KLHL1: variants seen among roughly 807,000 people sequenced by gnomAD.
KLHL1 encodes the protein kelch like family member 1, also known as kelch-like protein 1.
KLHL1 carries 47 observed loss-of-function variants against 77.7 expected under a neutral mutation model. That is an observed-to-expected ratio of 0.60 (90% confidence interval 0.48 to 0.77). KLHL1 has a LOEUF of 0.77. KLHL1 is among the 30% of genes least tolerant of loss of function. The probability of loss-of-function intolerance (pLI) is 0.00; values close to 1 mark genes in which losing one functional copy is unlikely to be tolerated. For synonymous variants in KLHL1, 360 were observed against 325.2 expected (o/e 1.11, Z -1.15); for missense variants, 925 against 910.8 (o/e 1.02, Z -0.20).
At chr13:70,004,825 C>G (rs1381720926) in intron 1 of KLHL1, among the ~76,000 whole-genome samples, 2 of 151,364 alleles carry the variant, frequency 1.3e-5, no homozygotes, top group Non-Finnish European at 3.0e-5. Flanking sequence ...ATACTACTAG[C>G]TGAAAACAAT....
Position 70,050,216 on chromosome 13 carries a change from A to T in KLHL1, c.497+56987T>A, listed in dbSNP as rs532384172. Among the ~76,000 whole-genome samples the T allele has an allele frequency of 3.9e-5, 6 of 151,936 alleles. No individual in the cohort carries two copies. The East Asian group carries it at 1.2e-3, about 29-fold the overall frequency. ...GATACTTTATATGTCATCAAAAGGA[A>T]ACCTTTTGATCAAAACTGGCTGTGT... On this transcript the variant is annotated intron_variant, in intron 1 of 10. Coordinates refer to ENST00000377844, the MANE Select transcript of KLHL1 (RefSeq NM_020866.3).
chr13:69,764,662 T>C (rs1016056730), intron 7 of KLHL1, among the ~76,000 whole-genome samples: 1 of 152,114 alleles, frequency 6.6e-6, no homozygotes, highest in Non-Finnish European at 1.5e-5. Flanking sequence ...CACTTCCTGC[T>C]CAATGAGTGA....
In KLHL1 at chr13:69,796,816, T is replaced by C; in HGVS notation, c.1561A>G (p.Asn521Asp). The change falls in exon 7 of 11, where the codon AAC (asparagine) becomes GAC (aspartate). Residue 521 changes from asparagine (N) to aspartate (D), a missense_variant. By Grantham distance (23) the Asn-to-Asp change is conservative. Coordinates refer to ENST00000377844, the MANE Select transcript of KLHL1 (RefSeq NM_020866.3). ...TTGGGATTGTAACATTCAACAGTGT[T>C]CAATGTCTTTAAGCCATCTCGACCT... ...IGGRDGLKTL[N>D]TVECYNPKTK... is the part of the protein sequence containing the mutation. 1.2e-6 allele frequency: 2 copies of C among 1,614,184 alleles called. No individual in the cohort carries two copies. The highest frequency in any genetic ancestry group is 1.7e-6 in the Non-Finnish European group (2 of 1,180,016).
intron 1 of KLHL1, among the ~76,000 whole-genome samples, chr13:70,027,897 C>T (rs1885996689): frequency 1.3e-5 from 2 of 151,972 alleles, no homozygotes; most frequent in Non-Finnish European, 1.5e-5. Flanking sequence ...GTTATTGTGG[C>T]GATGTTACAC....
intron 1 of KLHL1, among the ~76,000 whole-genome samples, chr13:70,073,084 C>A (rs899362165): frequency 5.9e-5 from 9 of 152,124 alleles, no homozygotes; most frequent in Non-Finnish European, 1.5e-5. Context: ...GATTATAAAT[C>A]ATGCTGCTAT....
At chr13:70,078,952 T>C (rs1036571169) in intron 1 of KLHL1, among the ~76,000 whole-genome samples, 1 of 152,298 alleles carries the variant, frequency 6.6e-6, no homozygotes, top group Admixed American at 6.5e-5. Context: ...GTTTTCTCAT[T>C]AGCATCAAAC....
intron 4 of KLHL1, among the ~76,000 whole-genome samples, chr13:69,913,306 T>C (rs927531574): frequency 9.9e-5 from 15 of 152,184 alleles, no homozygotes; most frequent in Admixed American, 7.2e-4. Flanking sequence ...CAGGGAGCTA[T>C]ATCCAAAGCC....
At chr13:69,747,400 T>A (rs759669905) in intron 7 of KLHL1, among the ~76,000 whole-genome samples, 1 of 152,072 alleles carries the variant, frequency 6.6e-6, no homozygotes, top group Non-Finnish European at 1.5e-5. Context: ...TTTCTCTCTA[T>A]ATTGTAATTT....
chr13:69,813,110 G>A (rs1291097734), intron 6 of KLHL1, among the ~76,000 whole-genome samples: 56 of 152,158 alleles, frequency 3.7e-4, no homozygotes, highest in African/African-American at 1.1e-3. Context: ...TTAAGAAAAT[G>A]TGGCACATAT....
At chr13:69,987,838 A>G (rs1005213058) in intron 1 of KLHL1, among the ~76,000 whole-genome samples, 3 of 152,140 alleles carry the variant, frequency 2.0e-5, no homozygotes, top group African/African-American at 7.2e-5. Context: ...TTAGTACAAA[A>G]GTTTCAGAAT....
intron 6 of KLHL1, among the ~76,000 whole-genome samples, chr13:69,799,030 A>G (rs753523905): frequency 6.6e-6 from 1 of 152,118 alleles, no homozygotes; most frequent in Non-Finnish European, 1.5e-5. Context: ...CAGAGGTTGC[A>G]GTGAGCTGAG....
chr13:69,810,740 CA>C (rs914571111), intron 6 of KLHL1, among the ~76,000 whole-genome samples: 2 of 149,454 alleles, frequency 1.3e-5, no homozygotes, highest in Admixed American at 6.7e-5. Flanking sequence ...AGTTGGTTAA[CA>C]AAAAAAAAGA....
At chr13:70,024,471 G>GA (rs1454910272) in intron 1 of KLHL1, among the ~76,000 whole-genome samples, 1 of 151,704 alleles carries the variant, frequency 6.6e-6, no homozygotes, top group African/African-American at 2.4e-5. Context: ...TTTTCTTACA[G>GA]AAGTCCCCCT....
intron 10 of KLHL1, among the ~76,000 whole-genome samples, chr13:69,706,093 C>A (rs548866167): frequency 7.8e-4 from 118 of 151,594 alleles, no homozygotes; most frequent in African/African-American, 2.8e-3. Context: ...AAGGTACAGT[C>A]AAAATATATC....
At chr13:69,920,572 A>G (rs1184240115) in intron 4 of KLHL1, among the ~76,000 whole-genome samples, 1 of 152,144 alleles carries the variant, frequency 6.6e-6, no homozygotes, top group Admixed American at 6.6e-5. Context: ...AACAATGTAT[A>G]AATGGGCTTT....
chr13:69,800,040 G>A (rs141537684), intron 6 of KLHL1, among the ~76,000 whole-genome samples: 4 of 152,142 alleles, frequency 2.6e-5, no homozygotes, highest in Middle Eastern at 3.4e-3. Flanking sequence ...CCCACTCTCC[G>A]ACCCCTGTCC....
In KLHL1 at chr13:69,714,912, T is replaced by C. The variant is rs112021072; in HGVS notation, c.2015+4457A>G. Among the ~76,000 whole-genome samples, 308 of 152,272 alleles carry C rather than the reference T, an allele frequency of 2.0e-3. 2 individuals carry two copies. Among genetic ancestry groups the C allele is most frequent in the African/African-American group, 7.1e-3 (295 of 41,556 alleles). On this transcript the variant is annotated intron_variant, in intron 9 of 10. Transcript: ENST00000377844. Reference sequence around the variant, plus strand: ...CCCGGCCGATATCCTTCTATCTATATAGAATAATGCTTGTTTCATTTATTC... The same window carrying C: ...CCCGGCCGATATCCTTCTATCTATACAGAATAATGCTTGTTTCATTTATTC...
chr13:69,764,049 C>T (rs1036002549), intron 7 of KLHL1, among the ~76,000 whole-genome samples: 3 of 152,036 alleles, frequency 2.0e-5, no homozygotes, highest in Non-Finnish European at 2.9e-5. Flanking sequence ...GACATCTATG[C>T]CTGAAGTTTT....
At chr13:69,794,443 GAGAA>G (rs1877011710) in intron 7 of KLHL1, among the ~76,000 whole-genome samples, 1 of 151,438 alleles carries the variant, frequency 6.6e-6, no homozygotes, top group African/African-American at 2.4e-5. Context: ...AGAAGAGAAA[GAGAA>G]AGAAACAGAG....
Sources: gnomAD v4.1 joint callset for allele counts (sites outside exome capture counted in the v4.1 genomes callset) on GRCh38, gnomAD v4.1.1 for gene constraint, MANE v1.5 for transcripts, NCBI Gene and HGNC (gene_info 2026-07-23, HGNC 2026-07-21) for gene names.